ZBTB20: variants seen among roughly 807,000 people sequenced by gnomAD.
ZBTB20 encodes zinc finger and BTB domain containing 20.
A neutral mutation model predicts 56.9 loss-of-function variants in ZBTB20; 9 were observed. That is an observed-to-expected ratio of 0.16 (90% confidence interval 0.10 to 0.28). The LOEUF is 0.28. Ranked by LOEUF, ZBTB20 falls within the 10% of genes least tolerant of loss-of-function variation. The pLI is 1.00. For missense variants in ZBTB20, 655 were observed against 1,003.0 expected, an observed-to-expected ratio of 0.65 and a Z score of 4.69; for synonymous variants, 417 against 420.7, an observed-to-expected ratio of 0.99 and a Z score of 0.11.
rs950445063 is a variant in ZBTB20 at position 115,104,782 on chromosome 3, CAGAT to C, written c.-702-33372_-702-33369del. The stretch of plus-strand genomic sequence containing the variant: ...ACTACTTTGTATAATACAATAGTGA[CAGAT>C]AGATGTCATACATTTGTTCAGACCC... On this transcript the variant is annotated intron_variant, in intron 1 of 11. Coordinates refer to ENST00000675478, the MANE Select transcript of ZBTB20 (RefSeq NM_001348800.3). 7.9e-5 allele frequency among the ~76,000 whole-genome samples: 12 copies of C among 152,132 alleles called. No homozygotes were observed. The South Asian group carries it at 1.0e-3, about 13-fold the overall frequency.
chr3:114,527,808 ATAAC>A (rs1441299704), intron 6 of ZBTB20, among the ~76,000 whole-genome samples: 1 of 152,218 alleles, frequency 6.6e-6, no homozygotes, highest in Non-Finnish European at 1.5e-5. Flanking sequence ...ATAGGATAAA[ATAAC>A]TAAGGCCTAT....
At chr3:114,535,473 A>G (rs1270393215) in intron 6 of ZBTB20, among the ~76,000 whole-genome samples, 2 of 152,192 alleles carry the variant, frequency 1.3e-5, no homozygotes, top group African/African-American at 4.8e-5. Flanking sequence ...GACCAATAAC[A>G]AGTTCTGAAA....
chr3:115,000,750 T>C (rs2079212776), intron 2 of ZBTB20, among the ~76,000 whole-genome samples: 1 of 151,598 alleles, frequency 6.6e-6, no homozygotes, highest in South Asian at 2.1e-4. Context: ...TTCCAAATGC[T>C]ATATATCTGG....
At chr3:115,103,967 T>C (rs1221002596) in intron 1 of ZBTB20, among the ~76,000 whole-genome samples, 1 of 152,164 alleles carries the variant, frequency 6.6e-6, no homozygotes, top group East Asian at 1.9e-4. Context: ...AGGACTGTTA[T>C]CTAAAACATG....
At chr3:114,806,850 C>T (rs1578955086) in intron 4 of ZBTB20, among the ~76,000 whole-genome samples, 1 of 152,058 alleles carries the variant, frequency 6.6e-6, no homozygotes, top group East Asian at 1.9e-4. Flanking sequence ...GCATCAATTA[C>T]AGAGCACTGC....
At chr3:114,471,378 C>A (rs1576943364) in intron 7 of ZBTB20, among the ~76,000 whole-genome samples, 1 of 152,120 alleles carries the variant, frequency 6.6e-6, no homozygotes, top group Non-Finnish European at 1.5e-5. Context: ...GCTTTTTGTA[C>A]TTTGCTAAAC....
At chr3:114,950,765 CA>C (rs1375792565) in intron 3 of ZBTB20, among the ~76,000 whole-genome samples, 1 of 151,830 alleles carries the variant, frequency 6.6e-6, no homozygotes, top group African/African-American at 2.4e-5. Context: ...GGAAATAAGC[CA>C]AATGTCCATC....
At chr3:114,628,491 T>C (rs1201339514) in intron 6 of ZBTB20, among the ~76,000 whole-genome samples, 5 of 152,120 alleles carry the variant, frequency 3.3e-5, no homozygotes, top group Non-Finnish European at 5.9e-5. Context: ...AACTTCTAAC[T>C]ACTTTTCCAA....
chr3:114,913,405 T>A (rs1342238552), intron 3 of ZBTB20, among the ~76,000 whole-genome samples: 2 of 152,062 alleles, frequency 1.3e-5, no homozygotes, highest in Non-Finnish European at 2.9e-5. Flanking sequence ...TCTATTCAAA[T>A]CTTTTCCCCA....
chr3:114,967,865 G>A (rs962266027), intron 3 of ZBTB20, among the ~76,000 whole-genome samples: 46 of 151,656 alleles, frequency 3.0e-4, no homozygotes, highest in Admixed American at 3.0e-3. Flanking sequence ...GCTGAGGCAC[G>A]AGAATTGCTT....
intron 5 of ZBTB20, among the ~76,000 whole-genome samples, chr3:114,786,206 A>G (rs537502753): frequency 2.0e-5 from 3 of 151,974 alleles, no homozygotes; most frequent in South Asian, 2.1e-4. Flanking sequence ...GGTTTGTTAC[A>G]TAGGTATACA....
chr3:114,450,554 T>A (rs938988627), intron 7 of ZBTB20, among the ~76,000 whole-genome samples: 1 of 152,118 alleles, frequency 6.6e-6, no homozygotes, highest in African/African-American at 2.4e-5. Context: ...TAAAAAATAA[T>A]TTTAGAGAAA....
rs866311608 is a variant in ZBTB20 at position 114,841,137 on chromosome 3, C to T, written c.-416-39963G>A. On this transcript the variant is annotated intron_variant, in intron 4 of 11. Coordinates refer to ENST00000675478, the MANE Select transcript of ZBTB20 (RefSeq NM_001348800.3). ...TACCTTAAGGATAATTTAGGCAAAA[C>T]AATCAATGATAATAAAGTGCACATT... is the stretch of plus-strand genomic sequence containing the variant. 2.6e-5 allele frequency among the ~76,000 whole-genome samples: 4 copies of T among 152,112 alleles called. No homozygotes were observed. The Middle Eastern group carries it at 0.01, about 388-fold the overall frequency.
At chr3:115,105,968 C>T (rs2083710269) in intron 1 of ZBTB20, among the ~76,000 whole-genome samples, 1 of 152,038 alleles carries the variant, frequency 6.6e-6, no homozygotes, top group African/African-American at 2.4e-5. Context: ...CAGGCGCGTG[C>T]CACCATGCCT....
At chr3:114,585,477 C>T (rs1409047519) in intron 6 of ZBTB20, among the ~76,000 whole-genome samples, 1 of 152,146 alleles carries the variant, frequency 6.6e-6, no homozygotes, top group African/African-American at 2.4e-5. Flanking sequence ...GCCGTATGTG[C>T]ACATGTGTGT....
intron 7 of ZBTB20, among the ~76,000 whole-genome samples, chr3:114,480,729 C>T (rs936200765): frequency 8.6e-5 from 13 of 151,992 alleles, no homozygotes; most frequent in Admixed American, 6.6e-5. Flanking sequence ...AAAGCTGACA[C>T]AATACATATT....
intron 2 of ZBTB20, among the ~76,000 whole-genome samples, chr3:115,041,007 A>C (rs113078532): frequency 0.03 from 4,618 of 152,294 alleles, 84 homozygotes; most frequent in South Asian, 0.039. Flanking sequence ...GATTGGCATG[A>C]AGTAATAGAC....
At chr3:114,635,319 G>A (rs995088857) in intron 6 of ZBTB20, among the ~76,000 whole-genome samples, 1 of 152,228 alleles carries the variant, frequency 6.6e-6, no homozygotes, top group African/African-American at 2.4e-5. Flanking sequence ...TAAGCACCAT[G>A]AACTGGTAAA....
intron 1 of ZBTB20, among the ~76,000 whole-genome samples, chr3:115,117,222 T>C (rs1432196697): frequency 6.6e-6 from 1 of 152,150 alleles, no homozygotes; most frequent in Non-Finnish European, 1.5e-5. Flanking sequence ...TGTTTTTATA[T>C]TTATATCTAA....
Sources: gnomAD v4.1 joint callset for allele counts (sites outside exome capture counted in the v4.1 genomes callset) on GRCh38, gnomAD v4.1.1 for gene constraint, MANE v1.5 for transcripts, NCBI Gene and HGNC (gene_info 2026-07-23, HGNC 2026-07-21) for gene names.